DAB1: variants seen among roughly 807,000 people sequenced by gnomAD.
DAB1 encodes DAB adaptor protein 1.
A neutral mutation model predicts 64.6 loss-of-function variants in DAB1; 15 were observed. The observed-to-expected ratio is 0.23, with a 90% CI of 0.16 to 0.36. DAB1 has a LOEUF of 0.36. Ranked by LOEUF, DAB1 falls within the 10% of genes least tolerant of loss-of-function variation. DAB1 has a pLI of 1.00. For synonymous variants in DAB1, 235 were observed against 251.9 expected, an observed-to-expected ratio of 0.93 and a Z score of 0.64; for missense variants, 596 against 706.7, an observed-to-expected ratio of 0.84 and a Z score of 1.78.
In DAB1 at chr1:58,131,813, G is replaced by A. The variant is rs1388137492; in HGVS notation, n.387+18698C>T. 4.0e-5 allele frequency among the ~76,000 whole-genome samples: 6 copies of A among 149,292 alleles called. No homozygotes were observed. In the East Asian group the frequency reaches 6.0e-4, roughly 15 times the overall value. On this transcript the variant is annotated intron_variant and non_coding_transcript_variant, in intron 5 of 20. Coordinates refer to the DAB1 transcript ENST00000485760. ...ACCCACTTGAGGAGGCAGTCTGCCCGTTCTCAGATCTCCAGCTGCTTGCTG... is the reference window on the plus strand; with the variant it reads ...ACCCACTTGAGGAGGCAGTCTGCCCATTCTCAGATCTCCAGCTGCTTGCTG...
At chr1:57,113,237 G>T (rs1247313290) in intron 4 of DAB1, among the ~76,000 whole-genome samples, 2 of 152,122 alleles carry the variant, frequency 1.3e-5, no homozygotes, top group Non-Finnish European at 2.9e-5. Context: ...ATAAAAATTG[G>T]CCATTATTGT....
chr1:57,014,608 A>C (rs1646364105), intron 12 of DAB1, among the ~76,000 whole-genome samples: 1 of 152,222 alleles, frequency 6.6e-6, no homozygotes, highest in Non-Finnish European at 1.5e-5. Context: ...TTCATCTTTG[A>C]GCCTCACTTT....
rs1569933060 is a variant in DAB1, at chr1:58,517,233, C to A, written n.107+10028G>T. ...GACTACTGAACCCAAAGTCCTGACCCCTATGCTAGACAAGGTGTAAAATCC... is the reference window on the plus strand; with the variant it reads ...GACTACTGAACCCAAAGTCCTGACCACTATGCTAGACAAGGTGTAAAATCC... On this transcript the variant is annotated intron_variant and non_coding_transcript_variant, in intron 2 of 20. Coordinates refer to the DAB1 transcript ENST00000485760. 2.0e-5 allele frequency among the ~76,000 whole-genome samples: 3 copies of A among 152,272 alleles called. No homozygotes were observed. The East Asian group carries it at 5.8e-4, about 29-fold the overall frequency.
chr1:58,506,154 T>C, exon 3 of DAB1: 1 of 872,420 alleles, frequency 1.1e-6, no homozygotes, highest in Non-Finnish European at 2.0e-6. Flanking sequence ...ATGCAGGCTA[T>C]CAACGAACTC....
intron 14 of DAB1, 57 bp downstream of exon 14, chr1:57,010,623 C>G (rs1283451762): frequency 1.0e-6 from 1 of 969,124 alleles, no homozygotes; most frequent in Non-Finnish European, 1.5e-6. Context: ...TGAAGAACAA[C>G]CAAAAGGGAA....
chr1:58,546,095 T>G (rs903747487), intron 1 of DAB1, among the ~76,000 whole-genome samples: 1 of 152,244 alleles, frequency 6.6e-6, no homozygotes, highest in Non-Finnish European at 1.5e-5. Flanking sequence ...CAGGCGACAT[T>G]TAAACAGTAT....
At chr1:58,027,687 C>T (rs981386709) in intron 5 of DAB1, among the ~76,000 whole-genome samples, 5 of 151,942 alleles carry the variant, frequency 3.3e-5, no homozygotes, top group African/African-American at 7.3e-5. Flanking sequence ...TTTAACTTCT[C>T]GGAGTCTCTA....
intron 5 of DAB1, among the ~76,000 whole-genome samples, chr1:57,897,041 C>A (rs983340870): frequency 6.6e-6 from 1 of 152,074 alleles, no homozygotes; most frequent in African/African-American, 2.4e-5. Flanking sequence ...GAAAAAGAAA[C>A]CATGGTTTGA....
intron 4 of DAB1, among the ~76,000 whole-genome samples, chr1:58,308,234 T>C (rs944446941): frequency 1.3e-5 from 2 of 152,144 alleles, no homozygotes; most frequent in African/African-American, 4.8e-5. Context: ...TGGGAAGGCC[T>C]GACCTCAAAA....
At chr1:57,612,570 GA>G (rs1440194019) in intron 7 of DAB1, among the ~76,000 whole-genome samples, 1 of 152,066 alleles carries the variant, frequency 6.6e-6, no homozygotes, top group Non-Finnish European at 1.5e-5. Context: ...ACGGGTCAAG[GA>G]ATACAGGTGC....
intron 1 of DAB1, among the ~76,000 whole-genome samples, chr1:57,341,798 C>T (rs1378195303): frequency 2.0e-5 from 3 of 152,142 alleles, no homozygotes; most frequent in Non-Finnish European, 4.4e-5. Context: ...GTGTTCTCCA[C>T]TCATCTAATG....
intron 6 of DAB1, among the ~76,000 whole-genome samples, chr1:57,741,839 CT>C (rs1384448011): frequency 6.6e-6 from 1 of 152,090 alleles, no homozygotes; most frequent in African/African-American, 2.4e-5. Context: ...AGTTGAACTC[CT>C]TGGTAATCAG....
chr1:57,513,793 T>C (rs536225650), intron 7 of DAB1, among the ~76,000 whole-genome samples: 2 of 152,190 alleles, frequency 1.3e-5, no homozygotes, highest in Non-Finnish European at 2.9e-5. Context: ...AATTTATTAC[T>C]CCTGTTTTGC....
chr1:57,272,837 G>A (rs554403142), intron 2 of DAB1, among the ~76,000 whole-genome samples: 1 of 152,164 alleles, frequency 6.6e-6, no homozygotes, highest in Non-Finnish European at 1.5e-5. Context: ...GTTGGGTGTG[G>A]GGCGGGCAGT....
chr1:57,385,987 T>C (rs755873138), intron 1 of DAB1, among the ~76,000 whole-genome samples: 4 of 152,116 alleles, frequency 2.6e-5, no homozygotes, highest in Non-Finnish European at 5.9e-5. Flanking sequence ...ACAGCAAAGG[T>C]TTCCATCCAA....
At chr1:57,976,694 G>A (rs1645928603) in intron 5 of DAB1, among the ~76,000 whole-genome samples, 1 of 152,160 alleles carries the variant, frequency 6.6e-6, no homozygotes, top group African/African-American at 2.4e-5. Flanking sequence ...GAAAGCAACT[G>A]CATTGCTTCT....
rs147704338 is a variant in DAB1, at chr1:58,014,587, C to A, written n.388-130425G>T. On this transcript the variant is annotated intron_variant and non_coding_transcript_variant, in intron 5 of 20. Coordinates refer to the DAB1 transcript ENST00000485760. ...TTTTATAACTTAAAAGATCACACTG[C>A]AGTCATATCTTGCCCCCATAAATTA... Among the ~76,000 whole-genome samples, 707 of 152,330 alleles carry A rather than the reference C, an allele frequency of 4.6e-3. 5 individuals are homozygous for A. Among genetic ancestry groups the A allele is most frequent in the African/African-American group, 0.015 (619 of 41,570 alleles).
At chr1:57,555,169 G>A (rs1412400849) in intron 7 of DAB1, among the ~76,000 whole-genome samples, 1 of 151,096 alleles carries the variant, frequency 6.6e-6, no homozygotes, top group East Asian at 2.0e-4. Flanking sequence ...CAAGTAGCTG[G>A]GACTACAGGC....
chr1:57,372,141 A>T (rs1284777544), intron 1 of DAB1, among the ~76,000 whole-genome samples: 1 of 152,260 alleles, frequency 6.6e-6, no homozygotes, highest in African/African-American at 2.4e-5. Context: ...GCACGGAAAT[A>T]ATAAACATTC....
Sources: gnomAD v4.1 joint callset for allele counts (sites outside exome capture counted in the v4.1 genomes callset) on GRCh38, gnomAD v4.1.1 for gene constraint, MANE v1.5 for transcripts, NCBI Gene and HGNC (gene_info 2026-07-23, HGNC 2026-07-21) for gene names.